NKAIN2: variants seen among roughly 807,000 people sequenced by gnomAD.
NKAIN2 encodes sodium/potassium transporting ATPase interacting 2.
A neutral mutation model predicts 32.6 loss-of-function variants in NKAIN2; 14 were observed. The observed-to-expected ratio is 0.43, with a 90% CI of 0.28 to 0.67. NKAIN2 has a LOEUF of 0.67. NKAIN2 is among the 30% of genes least tolerant of loss of function. The pLI is 0.17. For synonymous variants in NKAIN2, 80 were observed against 87.2 expected, an observed-to-expected ratio of 0.92 and a Z score of 0.46; for missense variants, 198 against 258.3, an observed-to-expected ratio of 0.77 and a Z score of 1.60.
intron 1 of NKAIN2, among the ~76,000 whole-genome samples, chr6:123,807,008 C>G (rs1773245033): frequency 6.6e-6 from 1 of 152,016 alleles, no homozygotes; most frequent in Non-Finnish European, 1.5e-5. Context: ...TCAGACCAGA[C>G]ACGGTGTTTT....
chr6:124,154,993 T>G (rs1034191810), intron 1 of NKAIN2, among the ~76,000 whole-genome samples: 78 of 152,264 alleles, frequency 5.1e-4, no homozygotes, highest in Non-Finnish European at 7.8e-4. Context: ...GGAAAAGAAT[T>G]GTTTTAGATA....
intron 1 of NKAIN2, among the ~76,000 whole-genome samples, chr6:124,167,667 G>A (rs913332126): frequency 6.6e-6 from 1 of 152,092 alleles, no homozygotes; most frequent in Non-Finnish European, 1.5e-5. Context: ...GTCATAGATA[G>A]CTCTTATTAT....
intron 1 of NKAIN2, among the ~76,000 whole-genome samples, chr6:124,151,185 C>T (rs902452746): frequency 1.3e-5 from 2 of 151,710 alleles, no homozygotes; most frequent in African/African-American, 4.8e-5. Flanking sequence ...AAACTTTTAT[C>T]ATCTAGTATA....
chr6:124,228,367 C>T (rs1038644586), intron 1 of NKAIN2, among the ~76,000 whole-genome samples: 2 of 152,126 alleles, frequency 1.3e-5, no homozygotes, highest in African/African-American at 4.8e-5. Flanking sequence ...AGGCCCTCAC[C>T]AGAACCTGGC....
intron 1 of NKAIN2, among the ~76,000 whole-genome samples, chr6:123,936,872 G>T (rs1249942529): frequency 6.6e-6 from 1 of 151,992 alleles, no homozygotes; most frequent in Non-Finnish European, 1.5e-5. Context: ...GAATACTCTC[G>T]GTCTGAACTG....
At chr6:123,825,913 C>T (rs1036291765) in intron 1 of NKAIN2, among the ~76,000 whole-genome samples, 16 of 152,124 alleles carry the variant, frequency 1.1e-4, no homozygotes, top group African/African-American at 3.6e-4. Context: ...AAGCACTTTT[C>T]TGGAATACTT....
chr6:124,685,679 G>T (rs891032622), intron 4 of NKAIN2, among the ~76,000 whole-genome samples: 1 of 152,136 alleles, frequency 6.6e-6, no homozygotes, highest in Non-Finnish European at 1.5e-5. Context: ...GAAAAGGCAT[G>T]AGAGACATTC....
At chr6:124,790,794 T>G (rs922443521) in intron 4 of NKAIN2, among the ~76,000 whole-genome samples, 7 of 152,124 alleles carry the variant, frequency 4.6e-5, no homozygotes, top group African/African-American at 1.7e-4. Context: ...TACTTATAGG[T>G]GTCCATCTCG....
intron 1 of NKAIN2, among the ~76,000 whole-genome samples, chr6:124,217,547 C>G (rs1791544871): frequency 6.6e-6 from 1 of 152,064 alleles, no homozygotes; most frequent in East Asian, 1.9e-4. Context: ...ACAAAGCACA[C>G]ATTTCTTTAT....
At chr6:123,910,289 T>G (rs998198025) in intron 1 of NKAIN2, among the ~76,000 whole-genome samples, 50 of 152,282 alleles carry the variant, frequency 3.3e-4, no homozygotes, top group African/African-American at 1.1e-3. Context: ...AAGTATGCCA[T>G]GCAGATTCTT....
At chr6:124,235,539 A>G (rs983673021) in intron 1 of NKAIN2, among the ~76,000 whole-genome samples, 4 of 151,800 alleles carry the variant, frequency 2.6e-5, no homozygotes, top group Admixed American at 6.6e-5. Flanking sequence ...GGGAAAATAT[A>G]TATTTTTGAT....
intron 1 of NKAIN2, among the ~76,000 whole-genome samples, chr6:123,997,124 A>G (rs1393078699): frequency 6.6e-6 from 1 of 152,196 alleles, no homozygotes. Flanking sequence ...TAGATCTAGT[A>G]CAACGTGTGA....
At chr6:124,541,509 T>G (rs928101933) in intron 3 of NKAIN2, among the ~76,000 whole-genome samples, 6 of 152,184 alleles carry the variant, frequency 3.9e-5, no homozygotes, top group African/African-American at 1.4e-4. Flanking sequence ...AAATACAATT[T>G]GGAGCATGTA....
intron 3 of NKAIN2, among the ~76,000 whole-genome samples, chr6:124,470,239 C>T (rs73580511): frequency 6.4e-4 from 98 of 152,120 alleles, no homozygotes; most frequent in African/African-American, 2.2e-3. Context: ...TGGTGAGAGA[C>T]GAGGCAGGAG....
intron 2 of NKAIN2, among the ~76,000 whole-genome samples, chr6:124,305,383 T>C (rs191501663): frequency 6.6e-6 from 1 of 152,210 alleles, no homozygotes; most frequent in East Asian, 1.9e-4. Flanking sequence ...TCAAATAATA[T>C]TTATGGTATC....
chr6:124,337,749 A>C (rs1797939606), intron 2 of NKAIN2, among the ~76,000 whole-genome samples: 2 of 152,174 alleles, frequency 1.3e-5, no homozygotes, highest in Admixed American at 1.3e-4. Flanking sequence ...CAGACAGACT[A>C]TTTTTGATAC....
intron 1 of NKAIN2, among the ~76,000 whole-genome samples, chr6:124,120,211 C>G (rs1208904180): frequency 6.6e-6 from 1 of 152,094 alleles, no homozygotes; most frequent in Non-Finnish European, 1.5e-5. Context: ...TTTTAATGCC[C>G]TATATGTCAT....
At chr6:124,499,529 A>G (rs1185038968) in intron 3 of NKAIN2, among the ~76,000 whole-genome samples, 1 of 152,200 alleles carries the variant, frequency 6.6e-6, no homozygotes, top group East Asian at 1.9e-4. Context: ...ACTCAGAAAC[A>G]TAGGTCAGCT....
At chr6:123,941,485 CTA>C (rs773785763) in intron 1 of NKAIN2, among the ~76,000 whole-genome samples, 43 of 151,724 alleles carry the variant, frequency 2.8e-4, no homozygotes, top group Non-Finnish European at 5.3e-4. Flanking sequence ...CCTCTCACCG[CTA>C]TGTTATGATG....
Sources: allele counts gnomAD v4.1 joint callset (sites outside exome capture counted in the v4.1 genomes callset), GRCh38; gene constraint gnomAD v4.1.1; transcripts MANE v1.5; gene names NCBI Gene and HGNC (gene_info 2026-07-23, HGNC 2026-07-21).